RBFOX1: variants seen among roughly 807,000 people sequenced by gnomAD.
RBFOX1 encodes RNA binding fox-1 homolog 1, also known as RNA binding protein fox-1 homolog 1.
A neutral mutation model predicts 57.7 loss-of-function variants in RBFOX1; 8 were observed. The observed-to-expected ratio is 0.14, with a 90% confidence interval of 0.08 to 0.25. RBFOX1 has a LOEUF of 0.25. RBFOX1 is among the 10% of genes least tolerant of loss of function. The pLI is 1.00. For missense variants in RBFOX1, 611 were observed against 548.5 expected (o/e 1.11, Z -1.14); for synonymous variants, 326 against 222.4 (o/e 1.47, Z -4.15).
intron 3 of RBFOX1, among the ~76,000 whole-genome samples, chr16:5,650,374 T>G (rs1432378913): frequency 1.3e-5 from 2 of 151,694 alleles, no homozygotes; most frequent in Admixed American, 1.3e-4. Context: ...GGGAGCCCCG[T>G]CGAGGGCCTC....
chr16:7,236,266 G>A (rs775012846), intron 4 of RBFOX1, among the ~76,000 whole-genome samples: 6 of 152,160 alleles, frequency 3.9e-5, no homozygotes, highest in African/African-American at 9.7e-5. Context: ...TATGAGGTGC[G>A]AACTAGGGTT....
At chr16:5,842,538 A>G (rs1010616802) in intron 3 of RBFOX1, among the ~76,000 whole-genome samples, 1 of 152,172 alleles carries the variant, frequency 6.6e-6, no homozygotes, top group Admixed American at 6.5e-5. Flanking sequence ...TCATTCATGT[A>G]TTCATTCATT....
At chr16:5,553,529 A>G (rs546167497) in intron 2 of RBFOX1, among the ~76,000 whole-genome samples, 3 of 152,104 alleles carry the variant, frequency 2.0e-5, no homozygotes, top group South Asian at 4.2e-4. Flanking sequence ...GTTAGCCAGG[A>G]TGGTCTCAAT....
intron 3 of RBFOX1, among the ~76,000 whole-genome samples, chr16:6,870,103 A>G (rs949740276): frequency 6.6e-6 from 1 of 152,174 alleles, no homozygotes; most frequent in Admixed American, 6.5e-5. Flanking sequence ...GATGATGATA[A>G]TAATGATGAT....
chr16:6,018,405 T>C (rs1011984305), upstream of RBFOX1, among the ~76,000 whole-genome samples: 19 of 152,182 alleles, frequency 1.2e-4, no homozygotes, highest in East Asian at 2.1e-3. Context: ...TGGTGGAAAG[T>C]AAATGCTTAT....
chr16:7,077,013 T>C (rs970920407), intron 4 of RBFOX1, among the ~76,000 whole-genome samples: 1 of 152,178 alleles, frequency 6.6e-6, no homozygotes, highest in Admixed American at 6.5e-5. Context: ...GGCAAAGACA[T>C]CCATCTGATT....
intron 2 of RBFOX1, among the ~76,000 whole-genome samples, chr16:6,328,506 C>T (rs751166198): frequency 6.6e-6 from 1 of 152,090 alleles, no homozygotes; most frequent in Non-Finnish European, 1.5e-5. Flanking sequence ...GCTCAATAGA[C>T]CCTATGGGTC....
chr16:7,121,284 A>C (rs1209514543), intron 4 of RBFOX1, among the ~76,000 whole-genome samples: 2 of 152,130 alleles, frequency 1.3e-5, no homozygotes, highest in South Asian at 2.1e-4. Context: ...AAGAAAAAGA[A>C]TTATAGAGCA....
At chr16:5,555,492 C>T (rs1016334533) in intron 2 of RBFOX1, among the ~76,000 whole-genome samples, 1 of 151,750 alleles carries the variant, frequency 6.6e-6, no homozygotes, top group Non-Finnish European at 1.5e-5. Context: ...CTCAGGTGAT[C>T]CACCTGCCTC....
intron 9 of RBFOX1, among the ~76,000 whole-genome samples, chr16:7,599,497 C>G (rs1473233689): frequency 6.6e-6 from 1 of 152,072 alleles, no homozygotes; most frequent in African/African-American, 2.4e-5. Flanking sequence ...AAATAACTAG[C>G]CTTTCTGGAA....
intron 1 of RBFOX1, among the ~76,000 whole-genome samples, chr16:5,274,515 C>T (rs576930736): frequency 1.2e-3 from 186 of 152,208 alleles, no homozygotes; most frequent in African/African-American, 3.9e-3. Flanking sequence ...CGTGATAGGG[C>T]GAGACTGGGT....
intron 5 of RBFOX1, among the ~76,000 whole-genome samples, chr16:7,541,463 T>G (rs201464549): frequency 4.7e-5 from 5 of 106,360 alleles, no homozygotes; most frequent in Admixed American, 1.8e-4. Context: ...TTTTATCAGG[T>G]TTTTTTTTTT....
intron 2 of RBFOX1, among the ~76,000 whole-genome samples, chr16:5,591,240 TC>T (rs906622901): frequency 3.3e-5 from 5 of 150,106 alleles, no homozygotes; most frequent in African/African-American, 1.2e-4. Flanking sequence ...CTTTTCCTTC[TC>T]CAAAATGAAC....
At chr16:5,876,544 T>A (rs974688206) in intron 4 of RBFOX1, among the ~76,000 whole-genome samples, 1 of 152,162 alleles carries the variant, frequency 6.6e-6, no homozygotes, top group African/African-American at 2.4e-5. Context: ...TCTCTCCTCC[T>A]CTAAATTATC....
At chr16:5,559,188 A>AAAAAAC (rs2045796426) in intron 2 of RBFOX1, among the ~76,000 whole-genome samples, 2 of 143,168 alleles carry the variant, frequency 1.4e-5, no homozygotes, top group East Asian at 2.1e-4. Flanking sequence ...AAAAAAAAAA[A>AAAAAAC]AAGTCAAGTG....
intron 5 of RBFOX1, among the ~76,000 whole-genome samples, chr16:7,565,192 C>T (rs1196978372): frequency 6.6e-6 from 1 of 152,040 alleles, no homozygotes; most frequent in African/African-American, 2.4e-5. Context: ...TTTTCACAAT[C>T]TTGCTTCGTT....
At chr16:6,404,943 C>T (rs556676674) in intron 2 of RBFOX1, among the ~76,000 whole-genome samples, 82 of 152,234 alleles carry the variant, frequency 5.4e-4, no homozygotes, top group African/African-American at 1.8e-3. Context: ...GTAGACGGAA[C>T]CACAAATGCC....
chr16:7,406,118 C>G (rs961559158), intron 4 of RBFOX1, among the ~76,000 whole-genome samples: 1 of 152,172 alleles, frequency 6.6e-6, no homozygotes. Context: ...TGGCAAGATA[C>G]CCGCATTGCC....
chr16:6,836,940 A>G (rs1444372789), intron 3 of RBFOX1, among the ~76,000 whole-genome samples: 3 of 152,128 alleles, frequency 2.0e-5, no homozygotes, highest in Non-Finnish European at 2.9e-5. Context: ...TTACTTCCAT[A>G]TCAGTAGAAG....
Sources: gnomAD v4.1 joint callset for allele counts (sites outside exome capture counted in the v4.1 genomes callset) on GRCh38, gnomAD v4.1.1 for gene constraint, MANE v1.5 for transcripts, NCBI Gene and HGNC (gene_info 2026-07-23, HGNC 2026-07-21) for gene names.